VASP: variants seen among roughly 807,000 people sequenced by gnomAD.
VASP encodes vasodilator stimulated phosphoprotein.
Under a neutral mutation model 54.4 loss-of-function variants are expected in VASP, and 27 were observed. The ratio of observed to expected loss-of-function variants is 0.50; its 90% confidence interval spans 0.37 to 0.68. VASP has a LOEUF of 0.68. Among genes scored for constraint, VASP ranks in the 30% least tolerant of loss-of-function variants. The pLI, the probability that VASP is intolerant of heterozygous loss-of-function variation, is 0.00. For synonymous variants in VASP, 233 were observed against 209.8 expected, an observed-to-expected ratio of 1.11 and a Z score of -0.96; for missense variants, 488 against 528.3, an observed-to-expected ratio of 0.92 and a Z score of 0.75.
chr19:45,515,894 T>TG (rs1968692290), intron 1 of VASP, among the ~76,000 whole-genome samples: 1 of 151,792 alleles, frequency 6.6e-6, no homozygotes, highest in African/African-American at 2.4e-5. Flanking sequence ...GCCCTGGAGG[T>TG]GGGGACTGTC....
intron 7 of VASP, 82 bp downstream of exon 7, chr19:45,522,900 T>C (rs1020620974): frequency 1.4e-6 from 2 of 1,379,858 alleles, no homozygotes; most frequent in Non-Finnish European, 2.0e-6. Flanking sequence ...AATTCCTGTT[T>C]AGTTTGTTTC....
intron 10 of VASP, 52 bp from the exon 11 acceptor site, chr19:45,524,518 C>T (rs781573963): frequency 1.3e-6 from 2 of 1,548,586 alleles, no homozygotes; most frequent in Non-Finnish European, 1.8e-6. Flanking sequence ...GGCGGGGAAG[C>T]AGGTCCTCTC....
intron 11 of VASP, 21 bp from the exon 12 acceptor site, chr19:45,525,925 G>C: frequency 6.2e-7 from 1 of 1,611,558 alleles, no homozygotes; most frequent in Non-Finnish European, 8.5e-7. Context: ...CTCCTGATTA[G>C]TTTTACCCCA....
At position 45,518,063 on chromosome 19, in the gene VASP, C is replaced by T. The variant is rs377346614; in HGVS notation, c.312C>T (p.Ala104=). 43 of 1,613,640 alleles carry T rather than the reference C, an allele frequency of 2.7e-5. No homozygotes were observed. The highest frequency in any genetic ancestry group is 5.0e-5 in the Admixed American group (3 of 60,002). ...AGGAGGATGCGGCCCAGTTTGCCGC[C>T]GGCATGGCCAGTGCCCTAGAGGCGT... ...GSKEDAAQFA[A]GMASALEALE... Residue 104 remains alanine, a synonymous_variant, in exon 3 of 13, where the codon GCC becomes GCT. Transcript: ENST00000245932.
intron 3 of VASP, among the ~76,000 whole-genome samples, chr19:45,519,911 T>C (rs1236118381): frequency 8.2e-6 from 1 of 122,536 alleles, no homozygotes; most frequent in African/African-American, 3.4e-5. Context: ...TTTTTTTTTT[T>C]TTTTTTTTTT....
rs1218778085 is a variant in VASP, at chr19:45,524,232, G to A, written c.956+90G>A. 7.6e-6 allele frequency: 11 copies of A among 1,455,012 alleles called. No homozygotes were observed. In the Admixed American group the frequency reaches 1.2e-4, roughly 16 times the overall value. 90.1% of individuals were successfully genotyped at this position (1,455,012 alleles called of 1,614,324 possible). On this transcript the variant is annotated intron_variant, in intron 10 of 12. Coordinates refer to ENST00000245932, the MANE Select transcript of VASP (RefSeq NM_003370.4). ...TCAAGACCAGCCTGGGCAACATGGC[G>A]ACACCCCATCTCTACAAAAATTAGC... is the stretch of plus-strand genomic sequence containing the variant.
At chr19:45,516,905 C>A (rs375978241) in intron 1 of VASP, among the ~76,000 whole-genome samples, 2 of 132,728 alleles carry the variant, frequency 1.5e-5, no homozygotes, top group East Asian at 4.5e-4. Flanking sequence ...GAGGCTGAGG[C>A]GGAGAATGGC....
chr19:45,523,827 T>A lies in VASP; in HGVS notation c.874-14T>A. On this transcript the variant is annotated splice_polypyrimidine_tract_variant and intron_variant, in intron 8 of 12. Transcript: ENST00000245932. ...TGGCAGGGGCTGGCTCATGGCAGTT[T>A]TATTTCCTACCAGCAGGAGGAGCCA... is the stretch of plus-strand genomic sequence containing the variant. 6.2e-7 allele frequency: 1 copy of A among 1,613,982 alleles called. No individual in the cohort carries two copies. Among genetic ancestry groups the A allele is most frequent in the Non-Finnish European group, 8.5e-7 (1 of 1,179,978 alleles).
chr19:45,509,471 A>C (rs1323380963), intron 1 of VASP, among the ~76,000 whole-genome samples: 1 of 151,854 alleles, frequency 6.6e-6, no homozygotes, highest in East Asian at 1.9e-4. Flanking sequence ...CACTCACTGC[A>C]ACCGTAAAAG....
chr19:45,515,063 GC>G (rs1315855729), intron 1 of VASP, among the ~76,000 whole-genome samples: 1 of 152,170 alleles, frequency 6.6e-6, no homozygotes, highest in Non-Finnish European at 1.5e-5. Flanking sequence ...CACCTGAAAT[GC>G]CTAGTAAGAG....
Position 45,509,491 on chromosome 19 carries a change from G to T in VASP, c.5+1715G>T, listed in dbSNP as rs528100810. Among the ~76,000 whole-genome samples the T allele has an allele frequency of 1.7e-4, 26 of 150,472 alleles. No homozygotes were observed. In the South Asian group the frequency reaches 5.3e-3, roughly 31 times the overall value. On this transcript the variant is annotated intron_variant, in intron 1 of 12. Transcript: ENST00000245932. ...ACTGCAACCGTAAAAGGGCAGGAGC[G>T]GTGTCTGGGCCGGCCCCCTGTCCTC... is the stretch of plus-strand genomic sequence containing the variant.
intron 5 of VASP, 23 bp from the exon 6 acceptor site, chr19:45,522,317 C>T (rs1372565643): frequency 6.2e-7 from 1 of 1,612,306 alleles, no homozygotes; most frequent in Non-Finnish European, 8.5e-7. Flanking sequence ...TCTCAGCTGC[C>T]CCCTTTTCTG....
chr19:45,521,196 C>A, intron 3 of VASP, 126 bp from the exon 4 acceptor site: 2 of 946,820 alleles, frequency 2.1e-6, no homozygotes, highest in African/African-American at 1.6e-5. Context: ...AGCCTCAGGG[C>A]CTCTGGAAGG....
chr19:45,522,736 G>T lies in VASP; in HGVS notation c.739G>T (p.Gly247Trp). 1 of 1,603,686 alleles carries T rather than the reference G, an allele frequency of 6.2e-7. No individual in the cohort carries two copies. The highest frequency in any genetic ancestry group is 8.5e-7 in the Non-Finnish European group (1 of 1,177,404). Residue 247 changes from glycine (G) to tryptophan (W), a missense_variant, in exon 7 of 13, where the codon GGG (glycine) becomes TGG (tryptophan). Coordinates refer to ENST00000245932, the MANE Select transcript of VASP (RefSeq NM_003370.4). The stretch of plus-strand genomic sequence containing the variant: ...TCTCCAGCAGGAGGAGGCCTCAGGG[G>T]GGCCCACAGCCCCCAAAGCTGAGAG... ...KVSKQEEASGGPTAPKAESGR... is the reference protein window; with the variant it reads ...KVSKQEEASGWPTAPKAESGR...
intron 1 of VASP, among the ~76,000 whole-genome samples, chr19:45,516,750 G>A (rs1204266683): frequency 2.0e-5 from 3 of 151,978 alleles, no homozygotes; most frequent in Non-Finnish European, 4.4e-5. Flanking sequence ...TGTAATCCCA[G>A]CACTTTGTGG....
chr19:45,524,812 G>A (rs1968924231), intron 11 of VASP, 152 bp downstream of exon 11: 1 of 668,618 alleles, frequency 1.5e-6, no homozygotes, highest in Non-Finnish European at 2.6e-6. Context: ...GGATGACCGA[G>A]ACTCCACACC....
intron 4 of VASP, 52 bp downstream of exon 4, chr19:45,521,458 G>A: frequency 3.5e-6 from 5 of 1,422,744 alleles, no homozygotes; most frequent in Non-Finnish European, 4.7e-6. Flanking sequence ...AGTTCCATAT[G>A]TTCTGGAACC....
At chr19:45,524,167 T>TGG in intron 10 of VASP, 25 bp downstream of exon 10, 2 of 1,612,266 alleles carry the variant, frequency 1.2e-6, no homozygotes, top group Non-Finnish European at 1.7e-6. Flanking sequence ...CTGGGGCCCT[T>TGG]GGGGAGGTAA....
chr19:45,522,236 C>T lies in VASP; in HGVS notation c.478+19C>T, dbSNP rs374772000. 36 of 1,614,072 alleles carry T rather than the reference C, an allele frequency of 2.2e-5. No homozygotes were observed. The highest frequency in any genetic ancestry group is 4.5e-5 in the East Asian group (2 of 44,886). ...AATGCAGGTGATGCTCAGATAGCTT[C>T]GGGAGTTGGGAGGGGGCCTCCCTGG... On this transcript the variant is annotated intron_variant, in intron 5 of 12. Coordinates refer to ENST00000245932, the MANE Select transcript of VASP (RefSeq NM_003370.4).
Sources: allele counts gnomAD v4.1 joint callset (sites outside exome capture counted in the v4.1 genomes callset), GRCh38; gene constraint gnomAD v4.1.1; transcripts MANE v1.5; gene names NCBI Gene and HGNC (gene_info 2026-07-23, HGNC 2026-07-21).